SMAD2: variants seen among roughly 807,000 people sequenced by gnomAD.
The protein encoded by SMAD2 is SMAD family member 2.
A neutral mutation model predicts 64.4 loss-of-function variants in SMAD2; 8 were observed. The observed-to-expected ratio is 0.12, with a 90% CI of 0.07 to 0.22. SMAD2 has a LOEUF of 0.22. Among genes scored for constraint, SMAD2 ranks in the 10% least tolerant of loss-of-function variants. The pLI is 1.00. For missense variants in SMAD2, 289 were observed against 561.2 expected, an observed-to-expected ratio of 0.51 and a Z score of 4.90; for synonymous variants, 203 against 195.8, an observed-to-expected ratio of 1.04 and a Z score of -0.31.
chr18:47,842,275 C>T (rs1430804343), intron 10 of SMAD2, among the ~76,000 whole-genome samples: 1 of 152,164 alleles, frequency 6.6e-6, no homozygotes, highest in East Asian at 1.9e-4. Flanking sequence ...GGCGTGGTGG[C>T]TCACACCTGT....
At chr18:47,920,934 C>T (rs901530600) in intron 1 of SMAD2, among the ~76,000 whole-genome samples, 7 of 152,202 alleles carry the variant, frequency 4.6e-5, no homozygotes, top group Non-Finnish European at 8.8e-5. Context: ...GCAGGCAAAT[C>T]GCTTGAGCCC....
At position 47,827,392 on chromosome 18, in the gene SMAD2, A is replaced by G. The variant is rs895096577; in HGVS notation, c.*14435T>C. ...CAATACCTCTCTCCAGCCAATCACT[A>G]TGTAAATTGTGAATTAAGACATTAT... On this transcript the variant is annotated 3_prime_UTR_variant, in exon 11 of 11. Coordinates refer to ENST00000262160, the MANE Select transcript of SMAD2 (RefSeq NM_005901.6). The G allele has an allele frequency of 4.6e-5, 7 of 152,228 alleles. No individual in the cohort carries two copies. Among genetic ancestry groups the G allele is most frequent in the African/African-American group, 1.7e-4 (7 of 41,456 alleles). 9.4% of individuals were successfully genotyped at this position (152,228 alleles called of 1,614,324 possible).
intron 1 of SMAD2, among the ~76,000 whole-genome samples, chr18:47,915,500 G>T (rs2034296698): frequency 6.6e-6 from 1 of 151,934 alleles, no homozygotes; most frequent in African/African-American, 2.4e-5. Flanking sequence ...TGAATAGGCT[G>T]GTATATATCA....
Position 47,817,824 on chromosome 18 carries a change from G to C in SMAD2, c.*24003C>G, listed in dbSNP as rs1912422809. The C allele has an allele frequency of 6.6e-6, 1 of 152,224 alleles. No individual in the cohort carries two copies. Among genetic ancestry groups the C allele is most frequent in the Admixed American group, 6.5e-5 (1 of 15,282 alleles). 9.4% of individuals were successfully genotyped at this position (152,224 alleles called of 1,614,324 possible). A position where few individuals can be genotyped will look rare whatever the true frequency, so the allele number is the denominator to read the frequency against. On this transcript the variant is annotated 3_prime_UTR_variant, in exon 11 of 11. Transcript: ENST00000262160. ...ATAAACATTCTAAATTTTGGGCACAGGATGGCTCTTTTAAAGCCACTAGGG... is the reference window on the plus strand; with the variant it reads ...ATAAACATTCTAAATTTTGGGCACACGATGGCTCTTTTAAAGCCACTAGGG...
At chr18:47,918,654 AGAGAAATAAGACT>A (rs912096974) in intron 1 of SMAD2, among the ~76,000 whole-genome samples, 1 of 152,244 alleles carries the variant, frequency 6.6e-6, no homozygotes. Context: ...CAACATGGCC[AGAGAAATAAGACT>A]GAGCAACCCT....
intron 1 of SMAD2, among the ~76,000 whole-genome samples, chr18:47,920,920 C>T (rs185431838): frequency 4.6e-5 from 7 of 152,284 alleles, no homozygotes; most frequent in East Asian, 3.9e-4. Flanking sequence ...TTTGAGGGGC[C>T]GTGGCAGGCA....
rs1381101898 is a variant in SMAD2 at position 47,838,143 on chromosome 18, AAGTCTT to A, written c.*3678_*3683del. On this transcript the variant is annotated 3_prime_UTR_variant, in exon 11 of 11. Transcript: ENST00000262160. ...TGTTTGTTTGTTTGTTTTACCTTCAAAGTCTTAGTCTTAAATTGACAAGGGCACAAA... is the reference window on the plus strand; with the variant it reads ...TGTTTGTTTGTTTGTTTTACCTTCAAAGTCTTAAATTGACAAGGGCACAAA... 1 of 232,960 alleles carries A rather than the reference AAGTCTT, an allele frequency of 4.3e-6. No homozygotes were observed. Among genetic ancestry groups the A allele is most frequent in the East Asian group, 6.1e-5 (1 of 16,468 alleles). The allele number at this position is 232,960 out of a possible 1,614,324, so 14.4% of individuals were successfully genotyped here. A position where few individuals can be genotyped will look rare whatever the true frequency, so the allele number is the denominator to read the frequency against.
At chr18:47,929,866 G>A (rs1442709794) in intron 1 of SMAD2, among the ~76,000 whole-genome samples, 1 of 152,092 alleles carries the variant, frequency 6.6e-6, no homozygotes, top group Non-Finnish European at 1.5e-5. Flanking sequence ...GGCTCCACCC[G>A]CAGAACAACT....
Position 47,841,157 on chromosome 18 carries a change from C to CAA in SMAD2, c.*668_*669dup, listed in dbSNP as rs767933446. On this transcript the variant is annotated 3_prime_UTR_variant, in exon 11 of 11. Coordinates refer to ENST00000262160, the MANE Select transcript of SMAD2 (RefSeq NM_005901.6). ...AAGATTTAGCAGTTAAAAAAAAAAA[C>CAA]AAAAAAAAACAAAAAACCACAAAAA... 4.3e-4 allele frequency: 71 copies of CAA among 165,680 alleles called. No homozygotes were observed. The highest frequency in any genetic ancestry group is 2.4e-3 in the African/African-American group (68 of 27,770). 10.3% of individuals were successfully genotyped at this position (165,680 alleles called of 1,614,324 possible). A position where few individuals can be genotyped will look rare whatever the true frequency, so the allele number is the denominator to read the frequency against.
chr18:47,913,249 C>T (rs1245872120), intron 1 of SMAD2, among the ~76,000 whole-genome samples: 1 of 152,150 alleles, frequency 6.6e-6, no homozygotes, highest in Non-Finnish European at 1.5e-5. Context: ...AGAAATGTTT[C>T]TTATGAGTTA....
chr18:47,808,967 CCTTTATT>C lies in SMAD2; in HGVS notation c.*32853_*32859del, dbSNP rs1312272471. ...AAGCAGTCTCGTTGCTTCATTTCCA[CCTTTATT>C]CTTTATTACCAACACCAAACAGCAC... is the stretch of plus-strand genomic sequence containing the variant. On this transcript the variant is annotated 3_prime_UTR_variant, in exon 11 of 11. Transcript: ENST00000262160. 1.3e-5 allele frequency: 2 copies of C among 152,240 alleles called. No individual in the cohort carries two copies. Among genetic ancestry groups the C allele is most frequent in the African/African-American group, 4.8e-5 (2 of 41,464 alleles). The allele number at this position is 152,240 out of a possible 1,614,324, so 9.4% of individuals were successfully genotyped here. A position where few individuals can be genotyped will look rare whatever the true frequency, so the allele number is the denominator to read the frequency against.
At chr18:47,872,565 G>A (rs1473687388) in intron 2 of SMAD2, among the ~76,000 whole-genome samples, 3 of 152,050 alleles carry the variant, frequency 2.0e-5, no homozygotes, top group Non-Finnish European at 2.9e-5. Flanking sequence ...ACCGGTCCAC[G>A]GCCTGTTAGG....
At chr18:47,903,297 C>T (rs1476934600) in intron 1 of SMAD2, among the ~76,000 whole-genome samples, 2 of 151,354 alleles carry the variant, frequency 1.3e-5, no homozygotes, top group Non-Finnish European at 2.9e-5. Context: ...TAAAAGAAAC[C>T]TCTGGAAGGT....
At position 47,830,576 on chromosome 18, in the gene SMAD2, C is replaced by CAAAAAAAAAA. The variant is rs5824708; in HGVS notation, c.*11241_*11250dup. 1 of 125,452 alleles carries CAAAAAAAAAA rather than the reference C, an allele frequency of 8.0e-6. No individual in the cohort carries two copies. Among genetic ancestry groups the CAAAAAAAAAA allele is most frequent in the African/African-American group, 3.2e-5 (1 of 31,106 alleles). The allele number at this position is 125,452 out of a possible 1,614,324, so 7.8% of individuals were successfully genotyped here. On this transcript the variant is annotated 3_prime_UTR_variant, in exon 11 of 11. Coordinates refer to ENST00000262160, the MANE Select transcript of SMAD2 (RefSeq NM_005901.6). ...GGGCAACAGAGCAAGACTCTGTCTC[C>CAAAAAAAAAA]AAAAAAAAAAAAAAAAAATTCGTTT...
In SMAD2 at chr18:47,823,129, T is replaced by C. The variant is rs1912629496; in HGVS notation, c.*18698A>G. 1 of 152,232 alleles carries C rather than the reference T, an allele frequency of 6.6e-6. No homozygotes were observed. The highest frequency in any genetic ancestry group is 2.1e-4 in the South Asian group (1 of 4,828). The allele number at this position is 152,232 out of a possible 1,614,324, so 9.4% of individuals were successfully genotyped here. On this transcript the variant is annotated 3_prime_UTR_variant, in exon 11 of 11. Coordinates refer to ENST00000262160, the MANE Select transcript of SMAD2 (RefSeq NM_005901.6). ...ATGTCATATTTGAGAATGTGTAGAA[T>C]GCCTGGCTTCAATGGTTCTCAGCAT...
In SMAD2 at chr18:47,852,259, T is replaced by C. The variant is rs9955936; in HGVS notation, c.731-932A>G. On this transcript the variant is annotated intron_variant, in intron 6 of 10. Transcript: ENST00000262160. ...GGTCTTTTGACTCTTAATCCTAATT[T>C]TGATCATGTAGCACTAAAATAAAAG... Among the ~76,000 whole-genome samples the C allele has an allele frequency of 4.0e-3, 609 of 152,280 alleles. 5 individuals are homozygous for C. Among genetic ancestry groups the C allele is most frequent in the African/African-American group, 0.014 (562 of 41,554 alleles).
At chr18:47,913,671 G>C (rs1483808101) in intron 1 of SMAD2, among the ~76,000 whole-genome samples, 1 of 152,088 alleles carries the variant, frequency 6.6e-6, no homozygotes, top group African/African-American at 2.4e-5. Flanking sequence ...GGCTGACAAG[G>C]AACAGATAAC....
At position 47,827,043 on chromosome 18, in the gene SMAD2, G is replaced by T. The variant is rs149233701; in HGVS notation, c.*14784C>A. On this transcript the variant is annotated 3_prime_UTR_variant, in exon 11 of 11. Transcript: ENST00000262160. ...ATCAGGGTCCAAACCCCAGGCCTCC[G>T]ATTCTGAGTCAAACTGCATTTTCCA... is the stretch of plus-strand genomic sequence containing the variant. The T allele has an allele frequency of 1.3e-5, 2 of 152,098 alleles. No individual in the cohort carries two copies. The highest frequency in any genetic ancestry group is 2.4e-5 in the African/African-American group (1 of 41,416). The allele number at this position is 152,098 out of a possible 1,614,324, so 9.4% of individuals were successfully genotyped here. A position where few individuals can be genotyped will look rare whatever the true frequency, so the allele number is the denominator to read the frequency against.
At chr18:47,852,920 T>C (rs1055043313) in intron 6 of SMAD2, among the ~76,000 whole-genome samples, 1 of 152,190 alleles carries the variant, frequency 6.6e-6, no homozygotes, top group Non-Finnish European at 1.5e-5. Flanking sequence ...TAAATAATCT[T>C]ATTAAAAATA....
Sources: allele counts gnomAD v4.1 joint callset (sites outside exome capture counted in the v4.1 genomes callset), GRCh38; gene constraint gnomAD v4.1.1; transcripts MANE v1.5; gene names NCBI Gene and HGNC (gene_info 2026-07-23, HGNC 2026-07-21).